Variants in PIP4K2A observed in about 807,000 individuals in gnomAD.
The protein encoded by PIP4K2A is phosphatidylinositol 5-phosphate 4-kinase type-2 alpha.
PIP4K2A carries 14 observed loss-of-function variants against 42.9 expected under a neutral mutation model. That is an observed-to-expected ratio of 0.33 (90% CI 0.22 to 0.51). The LOEUF (loss-of-function observed/expected upper bound fraction) is 0.51, where lower values mean the gene tolerates loss of function less well. PIP4K2A is among the 20% of genes least tolerant of loss of function. PIP4K2A has a pLI of 0.97. For synonymous variants in PIP4K2A, 192 were observed against 192.2 expected (o/e 1.00, Z 0.01); for missense variants, 434 against 519.8 (o/e 0.83, Z 1.61).
In PIP4K2A at chr10:22,573,298, A is replaced by T. The variant is rs1837033188; in HGVS notation, c.639+13T>A. 1 of 1,609,596 alleles carries T rather than the reference A, an allele frequency of 6.2e-7. No individual in the cohort carries two copies. Among genetic ancestry groups the T allele is most frequent in the South Asian group, 1.1e-5 (1 of 90,548 alleles). ...TTGAGTTACTTTACAAAAATTCATA[A>T]AATCAGTCTCACCTTTAAGTCGTAT... On this transcript the variant is annotated intron_variant, in intron 5 of 9. Coordinates refer to ENST00000376573, the MANE Select transcript of PIP4K2A (RefSeq NM_005028.5).
At chr10:22,618,718 G>C (rs1055291377) in intron 1 of PIP4K2A, among the ~76,000 whole-genome samples, 1 of 152,194 alleles carries the variant, frequency 6.6e-6, no homozygotes, top group African/African-American at 2.4e-5. Context: ...GAGAAGCAGA[G>C]ACAATACAGC....
At chr10:22,705,027 A>G (rs1167455244) in intron 1 of PIP4K2A, among the ~76,000 whole-genome samples, 1 of 151,932 alleles carries the variant, frequency 6.6e-6, no homozygotes, top group East Asian at 1.9e-4. Flanking sequence ...TGGTGGGAAG[A>G]GTGGAAGCTG....
chr10:22,657,630 T>TTTA (rs1385145327), intron 1 of PIP4K2A, among the ~76,000 whole-genome samples: 2 of 152,220 alleles, frequency 1.3e-5, no homozygotes, highest in Non-Finnish European at 2.9e-5. Context: ...CCAAAGAGTC[T>TTTA]TTAGCCTTGA....
rs538135982 is a variant in PIP4K2A, at chr10:22,637,454, C to G, written c.145-27737G>C. Among the ~76,000 whole-genome samples, 8 of 152,348 alleles carry G rather than the reference C, an allele frequency of 5.3e-5. No individual in the cohort carries two copies. The South Asian group carries it at 1.7e-3, about 32-fold the overall frequency. On this transcript the variant is annotated intron_variant, in intron 1 of 9. Coordinates refer to ENST00000376573, the MANE Select transcript of PIP4K2A (RefSeq NM_005028.5). ...AGAAGCTAGACCTGCTACTGCTCAG[C>G]TGATGTGCCTTGGACTATGGAAACC...
At chr10:22,678,006 A>G (rs192919692) in intron 1 of PIP4K2A, among the ~76,000 whole-genome samples, 91 of 152,352 alleles carry the variant, frequency 6.0e-4, no homozygotes, top group African/African-American at 2.1e-3. Flanking sequence ...CTAAATGAAT[A>G]GCTGACCATT....
At chr10:22,624,151 A>G (rs116801668) in intron 1 of PIP4K2A, among the ~76,000 whole-genome samples, 178 of 152,346 alleles carry the variant, frequency 1.2e-3, no homozygotes, top group African/African-American at 4.1e-3. Context: ...GGGCAGTACT[A>G]CACTACAAAT....
chr10:22,645,896 A>AT (rs995201003), intron 1 of PIP4K2A, among the ~76,000 whole-genome samples: 1 of 151,878 alleles, frequency 6.6e-6, no homozygotes, highest in African/African-American at 2.4e-5. Flanking sequence ...TAATTTTTTT[A>AT]TTTTTTGTAG....
intron 6 of PIP4K2A, among the ~76,000 whole-genome samples, chr10:22,552,185 A>C (rs2130762221): frequency 6.6e-6 from 1 of 152,336 alleles, no homozygotes; most frequent in East Asian, 1.9e-4. Flanking sequence ...TGCAAATATG[A>C]ATAGGTCACA....
At chr10:22,637,464 T>C (rs936879902) in intron 1 of PIP4K2A, among the ~76,000 whole-genome samples, 1 of 152,218 alleles carries the variant, frequency 6.6e-6, no homozygotes, top group African/African-American at 2.4e-5. Context: ...CTGATGTGCC[T>C]TGGACTATGG....
At chr10:22,696,723 C>G (rs1839980122) in intron 1 of PIP4K2A, among the ~76,000 whole-genome samples, 1 of 152,120 alleles carries the variant, frequency 6.6e-6, no homozygotes, top group Admixed American at 6.6e-5. Flanking sequence ...TCAGAATGGT[C>G]TGTTTTTGTG....
intron 1 of PIP4K2A, among the ~76,000 whole-genome samples, chr10:22,660,408 C>T (rs1223281726): frequency 6.6e-6 from 1 of 151,992 alleles, no homozygotes; most frequent in African/African-American, 2.4e-5. Flanking sequence ...GAGGCAGAGA[C>T]TGCAGTGAGC....
intron 1 of PIP4K2A, among the ~76,000 whole-genome samples, chr10:22,648,555 T>C (rs1838930776): frequency 6.6e-6 from 1 of 152,246 alleles, no homozygotes. Flanking sequence ...ACACTCTTCC[T>C]GTCATTTCAT....
intron 1 of PIP4K2A, among the ~76,000 whole-genome samples, chr10:22,662,197 A>G (rs575321828): frequency 1.3e-5 from 2 of 152,234 alleles, no homozygotes; most frequent in East Asian, 3.9e-4. Flanking sequence ...ATTCCACTTC[A>G]TTTTCATTTT....
At chr10:22,592,197 T>C (rs1837527841) in intron 3 of PIP4K2A, among the ~76,000 whole-genome samples, 1 of 152,210 alleles carries the variant, frequency 6.6e-6, no homozygotes, top group Admixed American at 6.5e-5. Context: ...CACAGATTAT[T>C]TCCCCCAATT....
intron 1 of PIP4K2A, among the ~76,000 whole-genome samples, chr10:22,626,414 C>G (rs560468787): frequency 1.3e-5 from 2 of 152,234 alleles, no homozygotes; most frequent in South Asian, 4.1e-4. Context: ...CAAGTTTTGT[C>G]TAAAGAAATA....
chr10:22,560,364 G>A (rs183569270), intron 6 of PIP4K2A, among the ~76,000 whole-genome samples: 1 of 152,236 alleles, frequency 6.6e-6, no homozygotes, highest in Admixed American at 6.5e-5. Context: ...TCACTTCAAT[G>A]GCAGCCCAGA....
chr10:22,615,926 C>CGACTTCTTGTTCCTGTTTATGCCG, intron 1 of PIP4K2A, among the ~76,000 whole-genome samples: 4 of 152,078 alleles, frequency 2.6e-5, no homozygotes, highest in East Asian at 3.9e-4. Context: ...ATCCTGGGAG[C>CGACTTCTTGTTCCTGTTTATGCCG]GACTTCTTGT....
chr10:22,566,421 C>T (rs1836849931), intron 6 of PIP4K2A, among the ~76,000 whole-genome samples: 1 of 152,186 alleles, frequency 6.6e-6, no homozygotes, highest in Admixed American at 6.5e-5. Context: ...CACCTACCTA[C>T]CCAACTGCCT....
chr10:22,574,418 T>C (rs929009978), intron 4 of PIP4K2A, among the ~76,000 whole-genome samples: 1 of 148,944 alleles, frequency 6.7e-6, no homozygotes, highest in African/African-American at 2.5e-5. Context: ...CCTTTTCTAC[T>C]ATACTGCTTG....
Sources: allele counts gnomAD v4.1 joint callset (sites outside exome capture counted in the v4.1 genomes callset), GRCh38; gene constraint gnomAD v4.1.1; transcripts MANE v1.5; gene names NCBI Gene and HGNC (gene_info 2026-07-23, HGNC 2026-07-21).